DAPK1: variants seen among roughly 807,000 people sequenced by gnomAD.
The protein encoded by DAPK1 is death-associated protein kinase 1.
DAPK1 carries 56 observed loss-of-function variants against 144.9 expected under a neutral mutation model. The ratio of observed to expected loss-of-function variants is 0.39; its 90% CI spans 0.31 to 0.48. DAPK1 has a LOEUF of 0.48. Ranked by LOEUF, DAPK1 falls within the 20% of genes least tolerant of loss-of-function variation. DAPK1 has a pLI of 0.95. For missense variants in DAPK1, 1,454 were observed against 1,875.4 expected (o/e 0.78, Z 4.15); for synonymous variants, 690 against 749.0 (o/e 0.92, Z 1.29).
chr9:87,596,117 G>A (rs1422995867), intron 2 of DAPK1, among the ~76,000 whole-genome samples: 2 of 152,102 alleles, frequency 1.3e-5, no homozygotes, highest in Non-Finnish European at 2.9e-5. Flanking sequence ...ACTTGGTGCT[G>A]AAGTACTGAG....
Position 87,686,516 on chromosome 9 carries a change from C to T in DAPK1, c.2225-35C>T. 1.6e-6 allele frequency: 2 copies of T among 1,251,084 alleles called. No homozygotes were observed. Among genetic ancestry groups the T allele is most frequent in the Non-Finnish European group, 2.3e-6 (2 of 875,260 alleles). 77.5% of individuals were successfully genotyped at this position (1,251,084 alleles called of 1,614,324 possible). ...GAGGGAGACAGGCACACGCTGCCCC[C>T]ATCGAGTACTCATGTGATCCTTTCC... On this transcript the variant is annotated intron_variant, in intron 20 of 25. Coordinates refer to ENST00000408954, the MANE Select transcript of DAPK1 (RefSeq NM_004938.4). The surrounding 1 kb of genome is among the most constrained non-coding windows in gnomAD (Gnocchi z 4.2).
At chr9:87,558,203 A>T (rs1240566803) in intron 2 of DAPK1, among the ~76,000 whole-genome samples, 1 of 152,270 alleles carries the variant, frequency 6.6e-6, no homozygotes, top group East Asian at 1.9e-4. Context: ...CATGGTGGTC[A>T]TGGACTCTCT....
At chr9:87,538,349 G>A (rs1825929807) in intron 2 of DAPK1, among the ~76,000 whole-genome samples, 1 of 152,118 alleles carries the variant, frequency 6.6e-6, no homozygotes, top group Non-Finnish European at 1.5e-5. Flanking sequence ...CACTCCCAAA[G>A]AAAATCATTG....
chr9:87,596,196 G>C (rs1436940902), intron 2 of DAPK1, among the ~76,000 whole-genome samples: 1 of 152,124 alleles, frequency 6.6e-6, no homozygotes, highest in South Asian at 2.1e-4. Flanking sequence ...GATCAAAGAA[G>C]GGGTTCCCGC....
At chr9:87,685,876 T>C (rs1478126676) in intron 20 of DAPK1, among the ~76,000 whole-genome samples, 1 of 152,152 alleles carries the variant, frequency 6.6e-6, no homozygotes, top group Non-Finnish European at 1.5e-5. Flanking sequence ...CCAATGTGAA[T>C]AAAATCCCGC....
At chr9:87,536,116 C>G (rs1563980573) in intron 2 of DAPK1, among the ~76,000 whole-genome samples, 1 of 152,164 alleles carries the variant, frequency 6.6e-6, no homozygotes, top group Non-Finnish European at 1.5e-5. Context: ...CTCAAAACAG[C>G]CCTTGCGAGC....
In DAPK1 at chr9:87,700,218, T is replaced by C. The variant is rs866455319; in HGVS notation, c.2852T>C (p.Ile951Thr). ...GTACTTCGAAATCATCTGCAAGAAA[T>C]ACGAAGCCAGATTGTTTCGGTAAGT... Reference protein sequence around the residue: ...MKVLRNHLQEIRSQIVSVCPP... With the variant: ...MKVLRNHLQETRSQIVSVCPP... Residue 951 changes from isoleucine (I) to threonine (T), a missense_variant, in exon 24 of 26, where the codon ATA becomes ACA. Coordinates refer to ENST00000408954, the MANE Select transcript of DAPK1 (RefSeq NM_004938.4). 4 of 1,611,538 alleles carry C rather than the reference T, an allele frequency of 2.5e-6. No homozygotes were observed. Among genetic ancestry groups the C allele is most frequent in the African/African-American group, 1.3e-5 (1 of 75,000 alleles).
At position 87,649,920 on chromosome 9, in the gene DAPK1, GGAA is replaced by G; in HGVS notation, c.1435_1437del (p.Glu479del). 6.2e-7 allele frequency: 1 copy of G among 1,614,100 alleles called. No individual in the cohort carries two copies. The highest frequency in any genetic ancestry group is 2.2e-5 in the East Asian group (1 of 44,876). ...CTCTCTGTACTCGTCTCCTTGGCCA[GGAA>G]GAAGAAACCCCCCTGCACTGTGCTG... On this transcript the variant is annotated inframe_deletion and splice_region_variant, in exon 16 of 26. Transcript: ENST00000408954.
At chr9:87,580,329 A>G (rs140602870) in intron 2 of DAPK1, among the ~76,000 whole-genome samples, 1,535 of 152,274 alleles carry the variant, frequency 0.01, 19 homozygotes, top group Non-Finnish European at 0.017. Context: ...GTGACCCCCA[A>G]ACATATCCTC....
rs1564000952 is a variant in DAPK1 at position 87,571,484 on chromosome 9, C to CCCCA, written c.63-33470_63-33469insCCCA. 2.9e-3 allele frequency among the ~76,000 whole-genome samples: 171 copies of CCCCA among 58,644 alleles called. 21 individuals carry two copies. Among genetic ancestry groups the CCCCA allele is most frequent in the African/African-American group, 0.012 (138 of 11,282 alleles). 38.5% of individuals were successfully genotyped at this position (58,644 alleles called of 152,430 possible). A position where few individuals can be genotyped will look rare whatever the true frequency, so the allele number is the denominator to read the frequency against. ...ACACACACACACACACCAACACACA[C>CCCCA]ACACACACACCCCAACACACACACA... On this transcript the variant is annotated intron_variant, in intron 2 of 25. Coordinates refer to ENST00000408954, the MANE Select transcript of DAPK1 (RefSeq NM_004938.4).
chr9:87,604,065 C>G (rs1828622887), intron 2 of DAPK1, among the ~76,000 whole-genome samples: 2 of 152,180 alleles, frequency 1.3e-5, no homozygotes, highest in African/African-American at 4.8e-5. Context: ...CATGGTGTCA[C>G]TGCAGACCTG....
chr9:87,543,476 G>A (rs564543454), intron 2 of DAPK1, among the ~76,000 whole-genome samples: 21 of 152,324 alleles, frequency 1.4e-4, no homozygotes, highest in Admixed American at 3.9e-4. Context: ...TGAAGAGGTA[G>A]ATAGGTGGAT....
chr9:87,704,902 C>T (rs1825582660), intron 25 of DAPK1, among the ~76,000 whole-genome samples: 1 of 152,230 alleles, frequency 6.6e-6, no homozygotes, highest in Admixed American at 6.5e-5. Context: ...AAGCAGAACT[C>T]TTCCATAAAG....
At chr9:87,593,722 A>G (rs1443614975) in intron 2 of DAPK1, among the ~76,000 whole-genome samples, 1 of 152,178 alleles carries the variant, frequency 6.6e-6, no homozygotes, top group African/African-American at 2.4e-5. Context: ...TTCCCCATGA[A>G]GTTATATGAA....
At chr9:87,685,437 G>A (rs920763714) in intron 20 of DAPK1, among the ~76,000 whole-genome samples, 2 of 152,178 alleles carry the variant, frequency 1.3e-5, no homozygotes, top group Non-Finnish European at 2.9e-5. Flanking sequence ...GCCTCGCAAT[G>A]TCTATTGTAT....
At chr9:87,692,186 A>G (rs1360605741) in intron 21 of DAPK1, among the ~76,000 whole-genome samples, 2 of 151,972 alleles carry the variant, frequency 1.3e-5, no homozygotes, top group African/African-American at 4.8e-5. Context: ...ATATATGTTT[A>G]GAACTGTTAT....
Position 87,537,505 on chromosome 9 carries a change from G to A in DAPK1, c.62+38366G>A, listed in dbSNP as rs115660730. On this transcript the variant is annotated intron_variant, in intron 2 of 25. Coordinates refer to ENST00000408954, the MANE Select transcript of DAPK1 (RefSeq NM_004938.4). ...TGTAGTTTGGATGAGATGTGCATGT[G>A]TGTAGTATGTGACATACATGGTGTA... 4.3e-3 allele frequency among the ~76,000 whole-genome samples: 654 copies of A among 152,148 alleles called. 3 individuals carry two copies. Among genetic ancestry groups the A allele is most frequent in the African/African-American group, 0.015 (622 of 41,504 alleles).
chr9:87,503,523 T>C (rs36228330), intron 2 of DAPK1, among the ~76,000 whole-genome samples: 2 of 152,354 alleles, frequency 1.3e-5, no homozygotes, highest in East Asian at 3.9e-4. Context: ...ATGATCTGCT[T>C]TCTCCATGGG....
chr9:87,528,194 A>G (rs1825579587), intron 2 of DAPK1, among the ~76,000 whole-genome samples: 2 of 150,704 alleles, frequency 1.3e-5, no homozygotes. Flanking sequence ...GCTTATTGTT[A>G]CAGTGCGTTT....
Sources: allele counts gnomAD v4.1 joint callset (sites outside exome capture counted in the v4.1 genomes callset), GRCh38; gene constraint gnomAD v4.1.1; non-coding constraint Gnocchi (gnomAD v3.1); transcripts MANE v1.5; gene names NCBI Gene and HGNC (gene_info 2026-07-23, HGNC 2026-07-21).